The following FBLN1 variants were observed in gnomAD, a reference collection of about 807,000 sequenced individuals.
The protein encoded by FBLN1 is fibulin 1, also known as fibulin-1.
In FBLN1, 34 loss-of-function variants were observed where a neutral mutation model predicts 89.7. The ratio of observed to expected loss-of-function variants is 0.38; its 90% CI spans 0.29 to 0.50. FBLN1 has a LOEUF of 0.50. Ranked by LOEUF, FBLN1 falls within the 20% of genes least tolerant of loss-of-function variation. FBLN1 has a pLI of 0.92. For synonymous variants in FBLN1, 393 were observed against 391.3 expected, an observed-to-expected ratio of 1.00 and a Z score of -0.05; for missense variants, 777 against 988.1, an observed-to-expected ratio of 0.79 and a Z score of 2.86.
Position 45,600,559 on chromosome 22 carries a change from A to T in FBLN1, c.*113A>T. 1.6e-6 allele frequency: 2 copies of T among 1,228,958 alleles called. No homozygotes were observed. The highest frequency in any genetic ancestry group is 2.4e-6 in the Non-Finnish European group (2 of 831,864). 76.1% of individuals were successfully genotyped at this position (1,228,958 alleles called of 1,614,324 possible). A position where few individuals can be genotyped will look rare whatever the true frequency, so the allele number is the denominator to read the frequency against. ...GACTTTTTTAATGTTAGGTATTTGT[A>T]GCATTAGGCCAACATGTATTAAGCT... On this transcript the variant is annotated 3_prime_UTR_variant, in exon 17 of 17. Coordinates refer to ENST00000327858, the MANE Select transcript of FBLN1 (RefSeq NM_006486.3).
intron 16 of FBLN1, among the ~76,000 whole-genome samples, chr22:45,594,854 G>A (rs1014750749): frequency 5.3e-5 from 8 of 150,894 alleles, no homozygotes; most frequent in Middle Eastern, 3.4e-3. Context: ...GAGTGGGTGG[G>A]TGGATGGATG....
chr22:45,543,448 T>C lies in FBLN1; in HGVS notation c.1243T>C (p.Cys415Arg). Residue 415 changes from cysteine to arginine, a missense_variant, in exon 11 of 17, where the codon TGC (cysteine) becomes CGC (arginine). Cys to Arg is a radical substitution (Grantham distance 180). Coordinates refer to ENST00000327858, the MANE Select transcript of FBLN1 (RefSeq NM_006486.3). ...RYPGRLCGHK[C>R]ENTLGSYLCS... The stretch of plus-strand genomic sequence containing the variant: ...CCCCGGGCGCCTGTGTGGCCACAAG[T>C]GCGAGAACACGCTGGGCTCCTACCT... The C allele has an allele frequency of 6.2e-7, 1 of 1,613,732 alleles. No homozygotes were observed. The highest frequency in any genetic ancestry group is 8.5e-7 in the Non-Finnish European group (1 of 1,179,964).
Position 45,563,262 on chromosome 22 carries a change from T to C in FBLN1, c.1698-11249T>C, listed in dbSNP as rs755660337. ...CTTTTCATCTTTGTGTCTGCAGAGCTCTGAGCACTCGCTTCGCGTCGCGGG... is the reference window on the plus strand; with the variant it reads ...CTTTTCATCTTTGTGTCTGCAGAGCCCTGAGCACTCGCTTCGCGTCGCGGG... On this transcript the variant is annotated intron_variant, in intron 14 of 16. Coordinates refer to ENST00000327858, the MANE Select transcript of FBLN1 (RefSeq NM_006486.3). The surrounding 1 kb of genome is among the most constrained non-coding windows in gnomAD (Gnocchi z 5.7). 1.2e-6 allele frequency: 2 copies of C among 1,613,472 alleles called. No individual in the cohort carries two copies.
intron 3 of FBLN1, among the ~76,000 whole-genome samples, chr22:45,527,014 A>G (rs1376099276): frequency 6.6e-6 from 1 of 152,072 alleles, no homozygotes; most frequent in Non-Finnish European, 1.5e-5. Context: ...CTCACACCCC[A>G]AAAGATGGAT....
In FBLN1 at chr22:45,564,802, C is replaced by T; in HGVS notation, c.1698-9709C>T. The stretch of plus-strand genomic sequence containing the variant: ...AGAAGGTGCTCTGTCAATGTCTGTT[C>T]AGGGAACAGATGACTCTGCCAGCCC... On this transcript the variant is annotated intron_variant, in intron 14 of 16. Transcript: ENST00000327858. 3.2e-6 allele frequency: 5 copies of T among 1,562,394 alleles called. No individual in the cohort carries two copies. In the South Asian group the frequency reaches 4.6e-5, roughly 14 times the overall value.
At chr22:45,533,404 C>T (rs542013597) in intron 6 of FBLN1, among the ~76,000 whole-genome samples, 1 of 152,254 alleles carries the variant, frequency 6.6e-6, no homozygotes, top group Admixed American at 6.5e-5. Flanking sequence ...TGGGGTCTAA[C>T]CAGGTTCCGG....
At chr22:45,551,833 C>T (rs2088706054) in intron 14 of FBLN1, among the ~76,000 whole-genome samples, 1 of 152,240 alleles carries the variant, frequency 6.6e-6, no homozygotes, top group African/African-American at 2.4e-5. Flanking sequence ...ACTCTCTCCC[C>T]AGCCTTTGTC....
In FBLN1 at chr22:45,544,156, G is replaced by A. The variant is rs189594304; in HGVS notation, c.1321+630G>A. On this transcript the variant is annotated intron_variant, in intron 11 of 16. Coordinates refer to ENST00000327858, the MANE Select transcript of FBLN1 (RefSeq NM_006486.3). The stretch of plus-strand genomic sequence containing the variant: ...GGCTGGAGTGCAATGCTACGATCTC[G>A]GCTCACTGCAACCTCCGCCTCCCGG... Among the ~76,000 whole-genome samples the A allele has an allele frequency of 4.0e-3, 604 of 151,788 alleles. 5 individuals carry two copies. Among genetic ancestry groups the A allele is most frequent in the African/African-American group, 0.014 (587 of 41,358 alleles).
intron 1 of FBLN1, among the ~76,000 whole-genome samples, chr22:45,513,243 A>T (rs1319167185): frequency 2.0e-5 from 3 of 152,204 alleles, no homozygotes; most frequent in African/African-American, 7.2e-5. Context: ...TATTTTGCTT[A>T]AAAGATGTAC....
At chr22:45,543,627 CCT>C (rs2088588374) in intron 11 of FBLN1, 101 bp downstream of exon 11, 2 of 1,443,972 alleles carry the variant, frequency 1.4e-6, no homozygotes, top group East Asian at 4.9e-5. Flanking sequence ...CGATGGTTTC[CCT>C]GTTAAATGAC....
At position 45,577,144 on chromosome 22, in the gene FBLN1, C is replaced by G; in HGVS notation, c.1972+36C>G. ...GGGAATATCAGCTCTATCCAGGCAC[C>G]CCTCCCCCTCCACCCCGAAACCCTC... On this transcript the variant is annotated intron_variant, in intron 16 of 16. Coordinates refer to ENST00000327858, the MANE Select transcript of FBLN1 (RefSeq NM_006486.3). This position sits in a 1 kb window ranked among gnomAD's most constrained non-coding sequence, Gnocchi z 6.6. 6.2e-7 allele frequency: 1 copy of G among 1,611,418 alleles called. No individual in the cohort carries two copies. The highest frequency in any genetic ancestry group is 1.3e-5 in the African/African-American group (1 of 74,992).
Position 45,576,305 on chromosome 22 carries a change from A to G in FBLN1, c.1841-672A>G, listed in dbSNP as rs1001930911. Among the ~76,000 whole-genome samples, 1 of 152,164 alleles carries G rather than the reference A, an allele frequency of 6.6e-6. No individual in the cohort carries two copies. Among genetic ancestry groups the G allele is most frequent in the Non-Finnish European group, 1.5e-5 (1 of 68,030 alleles). On this transcript the variant is annotated intron_variant, in intron 15 of 16. Transcript: ENST00000327858. The surrounding 1 kb of genome is among the most constrained non-coding windows in gnomAD (Gnocchi z 5.2). The stretch of plus-strand genomic sequence containing the variant: ...GCCAGCCCCGATCTGAGTGTTGGTT[A>G]TCGCAGGGAGCCGAGTGCCGTTGGG...
intron 14 of FBLN1, among the ~76,000 whole-genome samples, chr22:45,553,793 G>A (rs911436169): frequency 6.6e-6 from 1 of 152,246 alleles, no homozygotes; most frequent in African/African-American, 2.4e-5. Context: ...GTGTGATGAC[G>A]GCGGGAGCTG....
At chr22:45,564,964 G>T (rs1281469248) in intron 14 of FBLN1, 1 of 1,613,982 alleles carries the variant, frequency 6.2e-7, no homozygotes, top group Non-Finnish European at 8.5e-7. Context: ...TGGAAGCAGG[G>T]GTTGGAGGAT....
At chr22:45,554,316 C>T (rs901599436) in intron 14 of FBLN1, among the ~76,000 whole-genome samples, 2 of 152,220 alleles carry the variant, frequency 1.3e-5, no homozygotes, top group Non-Finnish European at 2.9e-5. Context: ...CTCAGAGGCC[C>T]CCCTGGGGGA....
intron 14 of FBLN1, among the ~76,000 whole-genome samples, chr22:45,571,455 T>G (rs1046086242): frequency 2.0e-5 from 3 of 152,236 alleles, no homozygotes; most frequent in African/African-American, 7.2e-5. Context: ...GGTCAGACAA[T>G]GTAGACATAG....
intron 16 of FBLN1, among the ~76,000 whole-genome samples, chr22:45,596,807 G>T (rs1770880915): frequency 7.6e-6 from 1 of 132,258 alleles, no homozygotes; most frequent in African/African-American, 3.4e-5. Flanking sequence ...ATACACTTAT[G>T]TGTAAATATA....
rs5765489 is a variant in FBLN1, at chr22:45,577,129, G to A, written c.1972+21G>A. 6.2e-7 allele frequency: 1 copy of A among 1,613,414 alleles called. No individual in the cohort carries two copies. Among genetic ancestry groups the A allele is most frequent in the African/African-American group, 1.3e-5 (1 of 74,984 alleles). On this transcript the variant is annotated intron_variant, in intron 16 of 16. Coordinates refer to ENST00000327858, the MANE Select transcript of FBLN1 (RefSeq NM_006486.3). The surrounding 1 kb of genome is among the most constrained non-coding windows in gnomAD (Gnocchi z 6.6). ...CGTGGGTGAGTGGCTGGGAATATCA[G>A]CTCTATCCAGGCACCCCTCCCCCTC... is the stretch of plus-strand genomic sequence containing the variant.
rs757077946 is a variant in FBLN1, at chr22:45,545,020, C to T, written c.1321+1494C>T. On this transcript the variant is annotated intron_variant, in intron 11 of 16. Transcript: ENST00000327858. This position sits in a 1 kb window ranked among gnomAD's most constrained non-coding sequence, Gnocchi z 5.9. Reference sequence around the variant, plus strand: ...TGGCTCACAGGACGGCTTCTGCAGCCTGACTCAAACATGGCAGGTCCTAAC... The same window carrying T: ...TGGCTCACAGGACGGCTTCTGCAGCTTGACTCAAACATGGCAGGTCCTAAC... 7.5e-4 allele frequency among the ~76,000 whole-genome samples: 114 copies of T among 152,228 alleles called. No homozygotes were observed. Among genetic ancestry groups the T allele is most frequent in the Non-Finnish European group, 1.4e-3 (98 of 68,044 alleles).
Sources: allele counts gnomAD v4.1 joint callset (sites outside exome capture counted in the v4.1 genomes callset), GRCh38; gene constraint gnomAD v4.1.1; non-coding constraint Gnocchi (gnomAD v3.1); transcripts MANE v1.5; gene names NCBI Gene and HGNC (gene_info 2026-07-23, HGNC 2026-07-21).